The following DPYD variants were observed in gnomAD, a reference collection of about 807,000 sequenced individuals.
DPYD encodes the protein dihydropyrimidine dehydrogenase [NADP(+)].
DPYD carries 109 observed loss-of-function variants against 116.2 expected under a neutral mutation model. The ratio of observed to expected loss-of-function variants is 0.94; its 90% confidence interval spans 0.80 to 1.10. The LOEUF is 1.10. DPYD is among the 50% of genes least tolerant of loss of function. The pLI is 0.00. For synonymous variants in DPYD, 440 were observed against 432.0 expected (o/e 1.02, Z -0.23); for missense variants, 1,302 against 1,254.5 (o/e 1.04, Z -0.57).
At chr1:97,424,017 A>T (rs560482672) in intron 14 of DPYD, among the ~76,000 whole-genome samples, 1 of 152,244 alleles carries the variant, frequency 6.6e-6, no homozygotes, top group East Asian at 1.9e-4. Flanking sequence ...ACTATGACAC[A>T]TCTGTTTGTC....
intron 1 of DPYD, among the ~76,000 whole-genome samples, chr1:97,895,845 A>G (rs1049598480): frequency 6.6e-6 from 1 of 151,802 alleles, no homozygotes; most frequent in Non-Finnish European, 1.5e-5. Flanking sequence ...AATGCTTTCC[A>G]TTTAAACAGT....
chr1:97,651,000 A>T (rs942369396), intron 8 of DPYD, among the ~76,000 whole-genome samples: 6 of 152,142 alleles, frequency 3.9e-5, no homozygotes, highest in African/African-American at 1.4e-4. Context: ...GTCTAGCCAC[A>T]ATAGCTGCAG....
chr1:97,388,477 C>T (rs979235186), intron 14 of DPYD, among the ~76,000 whole-genome samples: 1 of 151,934 alleles, frequency 6.6e-6, no homozygotes, highest in Admixed American at 6.6e-5. Context: ...CCTGGGGGCA[C>T]AAGAGAGTGT....
At chr1:97,409,990 G>A (rs180691957) in intron 14 of DPYD, among the ~76,000 whole-genome samples, 6 of 151,822 alleles carry the variant, frequency 4.0e-5, no homozygotes, top group Admixed American at 2.0e-4. Context: ...TGCTTGAACC[G>A]GGGAGGTGAA....
intron 3 of DPYD, among the ~76,000 whole-genome samples, chr1:97,801,472 A>C (rs1421958612): frequency 6.6e-6 from 1 of 151,944 alleles, no homozygotes; most frequent in African/African-American, 2.4e-5. Context: ...ACTGAGAGAG[A>C]TGCATTAAAG....
chr1:97,173,590 G>A (rs1657038131), intron 20 of DPYD, among the ~76,000 whole-genome samples: 1 of 149,570 alleles, frequency 6.7e-6, no homozygotes, highest in South Asian at 2.1e-4. Context: ...CAATGATAAA[G>A]AGTTTATCTT....
At chr1:97,600,372 T>C (rs868349264) in intron 8 of DPYD, among the ~76,000 whole-genome samples, 2 of 152,330 alleles carry the variant, frequency 1.3e-5, no homozygotes, top group Middle Eastern at 3.4e-3. Context: ...AGATTAAACA[T>C]GTATTTATGG....
chr1:97,594,004 G>T (rs1191917456), intron 9 of DPYD, among the ~76,000 whole-genome samples: 1 of 152,052 alleles, frequency 6.6e-6, no homozygotes, highest in Non-Finnish European at 1.5e-5. Flanking sequence ...AAAGAAATAT[G>T]ACTTTCTAAG....
At chr1:97,866,011 G>T (rs1286358912) in intron 2 of DPYD, among the ~76,000 whole-genome samples, 1 of 151,902 alleles carries the variant, frequency 6.6e-6, no homozygotes, top group African/African-American at 2.4e-5. Context: ...TTTGAATTAA[G>T]AAGAGTTTAC....
chr1:97,162,516 G>T (rs924542358), intron 20 of DPYD, among the ~76,000 whole-genome samples: 1 of 152,146 alleles, frequency 6.6e-6, no homozygotes, highest in Non-Finnish European at 1.5e-5. Flanking sequence ...CCATGCTCAT[G>T]GGTAGGAAGA....
intron 16 of DPYD, among the ~76,000 whole-genome samples, chr1:97,363,950 G>A (rs898767269): frequency 3.9e-5 from 6 of 151,930 alleles, no homozygotes; most frequent in African/African-American, 1.2e-4. Context: ...TAAATTATAC[G>A]TATAAAAAAT....
chr1:97,323,547 A>G (rs890081937), intron 16 of DPYD, among the ~76,000 whole-genome samples: 7 of 90,944 alleles, frequency 7.7e-5, no homozygotes, highest in East Asian at 7.5e-4. Context: ...TATCATATAT[A>G]TACATATATG....
intron 2 of DPYD, among the ~76,000 whole-genome samples, chr1:97,864,540 C>T (rs528656429): frequency 6.6e-6 from 1 of 151,844 alleles, no homozygotes; most frequent in Admixed American, 6.6e-5. Flanking sequence ...TCCCCTCCTC[C>T]CCCCACACCT....
In DPYD at chr1:97,398,783, T is replaced by C. The variant is rs1362238577; in HGVS notation, c.1906-16322A>G. ...CTATTCATTTGCTGTGCCCTCTTTTTGATGGGGTTGTTTGTATTTTTCTTG... is the reference window on the plus strand; with the variant it reads ...CTATTCATTTGCTGTGCCCTCTTTTCGATGGGGTTGTTTGTATTTTTCTTG... On this transcript the variant is annotated intron_variant, in intron 14 of 22. Coordinates refer to ENST00000370192, the MANE Select transcript of DPYD (RefSeq NM_000110.4). 2.0e-5 allele frequency among the ~76,000 whole-genome samples: 3 copies of C among 152,242 alleles called. No individual in the cohort carries two copies. The East Asian group carries it at 5.8e-4, about 29-fold the overall frequency.
chr1:97,496,862 T>C (rs187396721), intron 13 of DPYD, among the ~76,000 whole-genome samples: 1 of 152,038 alleles, frequency 6.6e-6, no homozygotes, highest in Admixed American at 6.6e-5. Context: ...CAATACATGA[T>C]CTATAAAAAT....
intron 3 of DPYD, chr1:97,797,630 T>C (rs1206361075): frequency 6.6e-6 from 1 of 152,118 alleles, no homozygotes; most frequent in Admixed American, 6.6e-5. Context: ...TCACTGCTTC[T>C]ACTCATCTTT....
At chr1:97,733,038 T>G (rs1236663047) in intron 4 of DPYD, among the ~76,000 whole-genome samples, 1 of 152,000 alleles carries the variant, frequency 6.6e-6, no homozygotes, top group African/African-American at 2.4e-5. Context: ...TATAGATAGG[T>G]AGGACAAAGA....
chr1:97,513,464 T>C (rs530865428), intron 13 of DPYD, among the ~76,000 whole-genome samples: 2 of 151,888 alleles, frequency 1.3e-5, no homozygotes, highest in African/African-American at 4.8e-5. Flanking sequence ...ATCAAAATTG[T>C]ATTGTGAAAT....
At chr1:97,366,956 T>C (rs747717792) in intron 16 of DPYD, among the ~76,000 whole-genome samples, 11 of 152,098 alleles carry the variant, frequency 7.2e-5, no homozygotes, top group Non-Finnish European at 1.5e-4. Flanking sequence ...TTTTCAGCTG[T>C]TTTGGTTTTA....
Sources: allele counts gnomAD v4.1 joint callset (sites outside exome capture counted in the v4.1 genomes callset), GRCh38; gene constraint gnomAD v4.1.1; transcripts MANE v1.5; gene names NCBI Gene and HGNC (gene_info 2026-07-23, HGNC 2026-07-21).